Variants in NEK6 observed in about 807,000 individuals in gnomAD.
The protein encoded by NEK6 is serine/threonine-protein kinase Nek6.
A neutral mutation model predicts 43.5 loss-of-function variants in NEK6; 27 were observed. The ratio of observed to expected loss-of-function variants is 0.62; its 90% CI spans 0.46 to 0.86. The LOEUF (loss-of-function observed/expected upper bound fraction) is 0.86, where lower values mean the gene tolerates loss of function less well. Among genes scored for constraint, NEK6 ranks in the 40% least tolerant of loss-of-function variants. The pLI is 0.00. For missense variants in NEK6, 318 were observed against 414.4 expected, an observed-to-expected ratio of 0.77 and a Z score of 2.02; for synonymous variants, 167 against 164.1, an observed-to-expected ratio of 1.02 and a Z score of -0.14.
intron 1 of NEK6, among the ~76,000 whole-genome samples, chr9:124,281,540 G>A (rs1319048972): frequency 2.5e-5 from 3 of 120,244 alleles, no homozygotes; most frequent in East Asian, 2.6e-4. Flanking sequence ...TCACTCTGTC[G>A]CCCAGACTGG....
At chr9:124,303,411 A>C (rs1399304021) in intron 2 of NEK6, among the ~76,000 whole-genome samples, 1 of 152,192 alleles carries the variant, frequency 6.6e-6, no homozygotes, top group East Asian at 1.9e-4. Flanking sequence ...CAGGTTATGC[A>C]CTGCACAAAG....
chr9:124,290,825 C>T (rs995701802), intron 1 of NEK6, among the ~76,000 whole-genome samples: 1 of 152,252 alleles, frequency 6.6e-6, no homozygotes, highest in African/African-American at 2.4e-5. Context: ...CTCCCCGTGA[C>T]CTGGCCCCGC....
chr9:124,272,748 T>C (rs941128287), intron 1 of NEK6, among the ~76,000 whole-genome samples: 7 of 152,172 alleles, frequency 4.6e-5, no homozygotes, highest in African/African-American at 1.7e-4. Flanking sequence ...CATCGACCTC[T>C]CTTGGTGACC....
chr9:124,350,946 G>A lies in NEK6; in HGVS notation c.941G>A (p.Ter314=). The change falls in exon 10 of 10, where the codon TGA becomes TAA. Residue 314 remains the stop codon, a stop_retained_variant. Coordinates refer to ENST00000320246, the MANE Select transcript of NEK6 (RefSeq NM_014397.6). ...KQMHIWMSST[*] The stretch of plus-strand genomic sequence containing the variant: ...ATGCACATCTGGATGTCCAGCACCT[G>A]AGCGTGGATGCACCGTGCCTTATCA... 6.2e-7 allele frequency: 1 copy of A among 1,604,080 alleles called. No homozygotes were observed. Among genetic ancestry groups the A allele is most frequent in the East Asian group, 2.2e-5 (1 of 44,874 alleles).
intron 1 of NEK6, among the ~76,000 whole-genome samples, chr9:124,297,378 G>C (rs368901969): frequency 6.6e-6 from 1 of 152,196 alleles, no homozygotes; most frequent in African/African-American, 2.4e-5. Context: ...AGATCTGACT[G>C]TTAGCCCATT....
chr9:124,326,401 C>G lies in NEK6; in HGVS notation c.477C>G (p.Ala159=). 1.2e-6 allele frequency: 2 copies of G among 1,610,896 alleles called. No individual in the cohort carries two copies. The highest frequency in any genetic ancestry group is 1.7e-6 in the Non-Finnish European group (2 of 1,179,942). ...AGTACTTTGTGCAGCTGTGCAGCGC[C>G]GTGGAGCACATGCATTCACGCCGGG... ...VWKYFVQLCS[A]VEHMHSRRVM... is the part of the protein sequence containing the mutation. The change falls in exon 6 of 10, where the codon GCC becomes GCG. Residue 159 remains alanine, a synonymous_variant. Coordinates refer to ENST00000320246, the MANE Select transcript of NEK6 (RefSeq NM_014397.6). The surrounding 1 kb of genome is among the most constrained non-coding windows in gnomAD (Gnocchi z 4.5).
At chr9:124,305,781 T>C (rs1564634660) in intron 2 of NEK6, among the ~76,000 whole-genome samples, 1 of 152,120 alleles carries the variant, frequency 6.6e-6, no homozygotes, top group Admixed American at 6.5e-5. Context: ...CCAGTTCTGC[T>C]AGATAGATGA....
chr9:124,344,452 C>G (rs1050128695), intron 8 of NEK6, among the ~76,000 whole-genome samples: 11 of 152,228 alleles, frequency 7.2e-5, no homozygotes, highest in African/African-American at 2.4e-4. Context: ...GCACCTGGCC[C>G]TCGGGTGGGG....
At chr9:124,277,039 C>T (rs568049185) in intron 1 of NEK6, among the ~76,000 whole-genome samples, 24 of 152,238 alleles carry the variant, frequency 1.6e-4, no homozygotes, top group Middle Eastern at 6.8e-3. Flanking sequence ...TGGAAAATGA[C>T]GGTGCTAAGG....
intron 8 of NEK6, among the ~76,000 whole-genome samples, chr9:124,344,547 G>A (rs1391226738): frequency 6.6e-6 from 1 of 152,232 alleles, no homozygotes; most frequent in African/African-American, 2.4e-5. Context: ...CCAGGCGGTG[G>A]GGAGCCCCCG....
At chr9:124,281,413 TC>T (rs532580381) in intron 1 of NEK6, among the ~76,000 whole-genome samples, 98 of 151,484 alleles carry the variant, frequency 6.5e-4, no homozygotes, top group African/African-American at 2.1e-3. Flanking sequence ...TGTGAAGTCT[TC>T]CGCGGACCCA....
At position 124,282,150 on chromosome 9, in the gene NEK6, G is replaced by A. The variant is rs752059411; in HGVS notation, c.-29-19786G>A. On this transcript the variant is annotated intron_variant, in intron 1 of 9. Transcript: ENST00000320246. ...TTCTCTCTTGGAGAATCCTGGAGGC[G>A]TGATGCCTGAAATCAGGCTGGTGGT... Among the ~76,000 whole-genome samples the A allele has an allele frequency of 1.7e-4, 26 of 152,334 alleles. No homozygotes were observed. The South Asian group carries it at 2.1e-3, about 12-fold the overall frequency.
chr9:124,343,894 C>T lies in NEK6; in HGVS notation c.718-3815C>T, dbSNP rs953005748. Among the ~76,000 whole-genome samples the T allele has an allele frequency of 1.3e-5, 2 of 152,204 alleles. No homozygotes were observed. Among genetic ancestry groups the T allele is most frequent in the Non-Finnish European group, 1.5e-5 (1 of 68,042 alleles). On this transcript the variant is annotated intron_variant, in intron 8 of 9. Coordinates refer to ENST00000320246, the MANE Select transcript of NEK6 (RefSeq NM_014397.6). This position sits in a 1 kb window ranked among gnomAD's most constrained non-coding sequence, Gnocchi z 5.1. ...TCCCTGTGGCTGCAGTGACAGATGC[C>T]ACCACGCCGATGGCTTCAAGCAACA...
intron 2 of NEK6, among the ~76,000 whole-genome samples, chr9:124,309,352 T>C (rs908739767): frequency 7.2e-5 from 11 of 152,324 alleles, no homozygotes; most frequent in Non-Finnish European, 1.2e-4. Context: ...TCGGCCCCAC[T>C]GTGGAGCTGC....
intron 2 of NEK6, among the ~76,000 whole-genome samples, chr9:124,308,154 C>T (rs1833353908): frequency 6.6e-6 from 1 of 152,226 alleles, no homozygotes; most frequent in African/African-American, 2.4e-5. Context: ...GGCCCAGAAG[C>T]CTTGCCCAAG....
chr9:124,330,206 C>G (rs1828901358), intron 7 of NEK6, among the ~76,000 whole-genome samples: 1 of 152,198 alleles, frequency 6.6e-6, no homozygotes, highest in South Asian at 2.1e-4. Context: ...GAAATAGGAG[C>G]CGTAATTAGA....
At chr9:124,266,538 A>G (rs1831234445) in intron 1 of NEK6, among the ~76,000 whole-genome samples, 1 of 152,160 alleles carries the variant, frequency 6.6e-6, no homozygotes, top group Non-Finnish European at 1.5e-5. Context: ...GCTGGAAGGA[A>G]CAGTGTGCAC....
chr9:124,272,345 A>T (rs978703040), intron 1 of NEK6, among the ~76,000 whole-genome samples: 2 of 152,238 alleles, frequency 1.3e-5, no homozygotes, highest in Non-Finnish European at 2.9e-5. Context: ...AGCCCCAGGC[A>T]TGAAGTCCCT....
At chr9:124,286,649 T>C (rs1832175521) in intron 1 of NEK6, among the ~76,000 whole-genome samples, 2 of 152,214 alleles carry the variant, frequency 1.3e-5, no homozygotes, top group African/African-American at 4.8e-5. Context: ...TTCCTTGCAG[T>C]GCTCCTGGGC....
Sources: gnomAD v4.1 joint callset for allele counts (sites outside exome capture counted in the v4.1 genomes callset) on GRCh38, gnomAD v4.1.1 for gene constraint, Gnocchi (gnomAD v3.1) non-coding constraint, MANE v1.5 for transcripts, NCBI Gene and HGNC (gene_info 2026-07-23, HGNC 2026-07-21) for gene names.